The following FBN2 variants were observed in gnomAD, a reference collection of about 807,000 sequenced individuals.
The protein encoded by FBN2 is fibrillin-2.
Under a neutral mutation model 355.6 loss-of-function variants are expected in FBN2, and 105 were observed. The observed-to-expected ratio is 0.30, with a 90% CI of 0.25 to 0.35. The LOEUF (loss-of-function observed/expected upper bound fraction) is 0.35, where lower values mean the gene tolerates loss of function less well. Among genes scored for constraint, FBN2 ranks in the 10% least tolerant of loss-of-function variants. The probability of loss-of-function intolerance (pLI) is 1.00; values close to 1 mark genes in which losing one functional copy is unlikely to be tolerated. For missense variants in FBN2, 3,280 were observed against 3,758.7 expected, an observed-to-expected ratio of 0.87 and a Z score of 3.33; for synonymous variants, 1,350 against 1,301.2, an observed-to-expected ratio of 1.04 and a Z score of -0.81.
chr5:128,453,746 G>A (rs1342607566), intron 6 of FBN2, among the ~76,000 whole-genome samples: 1 of 152,040 alleles, frequency 6.6e-6, no homozygotes, highest in Non-Finnish European at 1.5e-5. Context: ...AGGCTCAAAG[G>A]AAACGTGTTG....
In FBN2 at chr5:128,393,288, C is replaced by T; in HGVS notation, c.1312G>A (p.Gly438Arg). The T allele has an allele frequency of 6.2e-7, 1 of 1,614,218 alleles. No individual in the cohort carries two copies. Among genetic ancestry groups the T allele is most frequent in the South Asian group, 1.1e-5 (1 of 91,088 alleles). ...GSAGSRPGGT[G>R]GNGFAPSGNG... Reference sequence around the variant, plus strand: ...CCACTTGGGGCAAAGCCATTTCCCCCAGTGCCTCCAGGTCTGGAACCAGCA... The same window carrying T: ...CCACTTGGGGCAAAGCCATTTCCCCTAGTGCCTCCAGGTCTGGAACCAGCA... The change falls in exon 10 of 65, where the codon GGG becomes AGG. Residue 438 changes from glycine (G) to arginine (R), a missense_variant. Gly to Arg is a moderately radical substitution (Grantham distance 125). Coordinates refer to ENST00000262464, the MANE Select transcript of FBN2 (RefSeq NM_001999.4).
chr5:128,349,433 T>A lies in FBN2; in HGVS notation c.2903A>T (p.Asn968Ile). 6.2e-7 allele frequency: 1 copy of A among 1,614,012 alleles called. No individual in the cohort carries two copies. The highest frequency in any genetic ancestry group is 1.1e-5 in the South Asian group (1 of 91,060). The change falls in exon 23 of 65, where the codon AAT becomes ATT. Residue 968 changes from asparagine (N) to isoleucine (I), a missense_variant. Physicochemically the swap from Asn to Ile is moderately radical, Grantham distance 149 (BLOSUM62 -3). Around this residue, in one of 6 missense-constraint regions of FBN2, gnomAD observed 2,284 missense variants for 2,749.5 expected, o/e 0.83. Coordinates refer to ENST00000262464, the MANE Select transcript of FBN2 (RefSeq NM_001999.4). ...ECEVFPGVCP[N>I]GRCVNSKGSF... ...TCCCTTACTGTTGACACAGCGTCCA[T>A]TTGGACAAACGCCAGGGAACACCTC...
intron 54 of FBN2, 137 bp from the exon 55 acceptor site, chr5:128,286,986 A>G (rs1242866764): frequency 4.5e-6 from 4 of 898,516 alleles, no homozygotes; most frequent in Non-Finnish European, 7.0e-6. Context: ...AGCCATTGTC[A>G]GCTGTTGGCT....
intron 7 of FBN2, among the ~76,000 whole-genome samples, chr5:128,419,883 T>A (rs991224586): frequency 6.6e-6 from 1 of 152,050 alleles, no homozygotes; most frequent in East Asian, 1.9e-4. Context: ...TTAGTAGAGA[T>A]GAGGTTTCTC....
At chr5:128,483,296 C>A (rs1479948046) in intron 5 of FBN2, among the ~76,000 whole-genome samples, 1 of 152,012 alleles carries the variant, frequency 6.6e-6, no homozygotes, top group Non-Finnish European at 1.5e-5. Flanking sequence ...ACATGTACCC[C>A]CTGAATCTAA....
chr5:128,495,620 C>A (rs1467548452), intron 5 of FBN2, among the ~76,000 whole-genome samples: 2 of 151,910 alleles, frequency 1.3e-5, no homozygotes, highest in Non-Finnish European at 2.9e-5. Context: ...TGACCTAATG[C>A]AATCAGAAAG....
intron 7 of FBN2, among the ~76,000 whole-genome samples, chr5:128,437,383 A>C (rs1485300996): frequency 6.6e-6 from 1 of 152,248 alleles, no homozygotes; most frequent in Admixed American, 6.5e-5. Flanking sequence ...GTTAAATTCC[A>C]CACAGCATTA....
intron 25 of FBN2, among the ~76,000 whole-genome samples, chr5:128,343,422 T>G (rs569228858): frequency 6.6e-6 from 1 of 152,042 alleles, no homozygotes; most frequent in Admixed American, 6.5e-5. Context: ...AGCTCAGAGA[T>G]AGCCTTGGCT....
In FBN2 at chr5:128,442,208, A is replaced by G; in HGVS notation, c.952+4273T>C. On this transcript the variant is annotated intron_variant, in intron 7 of 64. Coordinates refer to ENST00000262464, the MANE Select transcript of FBN2 (RefSeq NM_001999.4). ...AATTGCAAACAACTATCTGCCACAT[A>G]AAGAGCCATTTAAGGGAAACTTTCC... 9.5e-6 allele frequency: 4 copies of G among 419,008 alleles called. No individual in the cohort carries two copies. The Admixed American group carries it at 1.2e-4, about 12-fold the overall frequency. The allele number at this position is 419,008 out of a possible 1,614,324, so 26.0% of individuals were successfully genotyped here.
Position 128,345,339 on chromosome 5 carries a change from C to T in FBN2, c.3217+18G>A, listed in dbSNP as rs1554123696. 22 of 1,603,250 alleles carry T rather than the reference C, an allele frequency of 1.4e-5. No individual in the cohort carries two copies. In the East Asian group the frequency reaches 4.9e-4, roughly 36 times the overall value. On this transcript the variant is annotated intron_variant, in intron 24 of 64. Coordinates refer to ENST00000262464, the MANE Select transcript of FBN2 (RefSeq NM_001999.4). Reference sequence around the variant, plus strand: ...CTGTTGGTGAAGAAGGACCAAGGCGCTGGCCGCAGGCAGTTACCTTTGTAA... The same window carrying T: ...CTGTTGGTGAAGAAGGACCAAGGCGTTGGCCGCAGGCAGTTACCTTTGTAA...
At chr5:128,491,707 A>G (rs922540376) in intron 5 of FBN2, among the ~76,000 whole-genome samples, 4 of 152,230 alleles carry the variant, frequency 2.6e-5, no homozygotes, top group African/African-American at 9.6e-5. Context: ...AAAATGCAAC[A>G]ACAAAAACAA....
chr5:128,348,247 A>T (rs1224382112), intron 23 of FBN2, among the ~76,000 whole-genome samples: 2 of 152,082 alleles, frequency 1.3e-5, no homozygotes, highest in African/African-American at 4.8e-5. Flanking sequence ...TTCTTTTTTT[A>T]AAATTTCGAT....
intron 54 of FBN2, 145 bp downstream of exon 54, chr5:128,287,163 G>C: frequency 1.0e-6 from 1 of 1,001,780 alleles, no homozygotes; most frequent in Non-Finnish European, 1.6e-6. Context: ...TTGTTATCTA[G>C]GTATGGAAAT....
intron 16 of FBN2, among the ~76,000 whole-genome samples, chr5:128,368,763 G>A (rs1294109470): frequency 1.3e-5 from 2 of 151,758 alleles, no homozygotes; most frequent in African/African-American, 4.8e-5. Context: ...TCGAACCCTT[G>A]GGCTCAAGTG....
At chr5:128,353,333 A>C (rs1341020918) in intron 20 of FBN2, among the ~76,000 whole-genome samples, 3 of 152,216 alleles carry the variant, frequency 2.0e-5, no homozygotes, top group Non-Finnish European at 4.4e-5. Context: ...CCAAACACCA[A>C]GACAGAGGTT....
intron 48 of FBN2, among the ~76,000 whole-genome samples, chr5:128,293,861 A>C (rs943662253): frequency 1.3e-5 from 2 of 151,776 alleles, no homozygotes; most frequent in Non-Finnish European, 2.9e-5. Context: ...TTATACTTTA[A>C]GTTTTAGGGT....
intron 7 of FBN2, among the ~76,000 whole-genome samples, chr5:128,436,410 A>G (rs905119145): frequency 2.6e-5 from 4 of 152,202 alleles, no homozygotes; most frequent in Admixed American, 2.0e-4. Context: ...TCCATTTCAC[A>G]TTTTAACTGT....
At chr5:128,521,715 G>A (rs1033755331) in intron 4 of FBN2, among the ~76,000 whole-genome samples, 2 of 152,142 alleles carry the variant, frequency 1.3e-5, no homozygotes, top group Non-Finnish European at 2.9e-5. Flanking sequence ...AGCCTTTGGG[G>A]AAAAGCTGTC....
Position 128,318,862 on chromosome 5 carries a change from C to T in FBN2, c.4594+17G>A, listed in dbSNP as rs1750287164. ...TTCAATGAATCAGAACACAACTTAGCTGGTAACTGACCATACCTGTACAGT... is the reference window on the plus strand; with the variant it reads ...TTCAATGAATCAGAACACAACTTAGTTGGTAACTGACCATACCTGTACAGT... On this transcript the variant is annotated intron_variant, in intron 35 of 64. Transcript: ENST00000262464. The T allele has an allele frequency of 1.2e-6, 2 of 1,610,806 alleles. No individual in the cohort carries two copies. Among genetic ancestry groups the T allele is most frequent in the East Asian group, 2.2e-5 (1 of 44,772 alleles).
Sources: gnomAD v4.1 joint callset for allele counts (sites outside exome capture counted in the v4.1 genomes callset) on GRCh38, gnomAD v4.1.1 for gene constraint, gnomAD v4.1.1 regional missense constraint, MANE v1.5 for transcripts, NCBI Gene and HGNC (gene_info 2026-07-23, HGNC 2026-07-21) for gene names.